Variants in GPC5 observed in about 807,000 individuals in gnomAD.
GPC5 encodes glypican-5.
GPC5 carries 47 observed loss-of-function variants against 53.9 expected under a neutral mutation model. The ratio of observed to expected loss-of-function variants is 0.87; its 90% CI spans 0.69 to 1.11. The LOEUF (loss-of-function observed/expected upper bound fraction) is 1.11. Among genes scored for constraint, GPC5 ranks in the 50% most tolerant of loss-of-function variants. GPC5 has a pLI of 0.00. For synonymous variants in GPC5, 286 were observed against 263.3 expected (o/e 1.09, Z -0.84); for missense variants, 748 against 713.1 (o/e 1.05, Z -0.56).
At position 91,508,224 on chromosome 13, in the gene GPC5, C is replaced by T. The variant is rs575285820; in HGVS notation, c.325+59302C>T. Among the ~76,000 whole-genome samples the T allele has an allele frequency of 1.1e-3, 166 of 152,126 alleles. 2 individuals carry two copies. The highest frequency in any genetic ancestry group is 3.8e-3 in the African/African-American group (157 of 41,500). ...ACAACAAAACTTACTGTTAGTATAA[C>T]GTAGTATGAATTAGATGTGAGAGAT... On this transcript the variant is annotated intron_variant, in intron 2 of 7. Coordinates refer to ENST00000377067, the MANE Select transcript of GPC5 (RefSeq NM_004466.6).
intron 7 of GPC5, among the ~76,000 whole-genome samples, chr13:92,605,678 T>C (rs2050247): frequency 0.35 from 52,642 of 150,500 alleles, 11,489 homozygotes; most frequent in East Asian, 0.74. Context: ...CAAGCTCCGC[T>C]TCCCGGGTTC....
chr13:92,633,870 A>G (rs1451567213), intron 7 of GPC5, among the ~76,000 whole-genome samples: 1 of 152,136 alleles, frequency 6.6e-6, no homozygotes, highest in Non-Finnish European at 1.5e-5. Flanking sequence ...ATATAGCCAT[A>G]TATATGTTTT....
intron 7 of GPC5, among the ~76,000 whole-genome samples, chr13:92,193,432 T>C (rs1319936441): frequency 2.0e-5 from 3 of 152,166 alleles, no homozygotes; most frequent in Admixed American, 1.3e-4. Flanking sequence ...TTCACTTTAT[T>C]TTGTGTATGT....
intron 7 of GPC5, among the ~76,000 whole-genome samples, chr13:92,538,460 TTTC>T (rs1239752458): frequency 6.7e-6 from 1 of 150,250 alleles, no homozygotes; most frequent in African/African-American, 2.5e-5. Flanking sequence ...TCTTTCTTTC[TTTC>T]TTTTTTTTTT....
intron 7 of GPC5, among the ~76,000 whole-genome samples, chr13:92,789,575 T>G (rs1460133452): frequency 6.6e-6 from 1 of 152,126 alleles, no homozygotes; most frequent in Non-Finnish European, 1.5e-5. Context: ...ATCTTCATAG[T>G]CATTATTAAA....
At chr13:91,482,682 T>A (rs1883370551) in intron 2 of GPC5, among the ~76,000 whole-genome samples, 1 of 152,174 alleles carries the variant, frequency 6.6e-6, no homozygotes, top group Non-Finnish European at 1.5e-5. Context: ...GTGGGAGGCT[T>A]CTTGTTTCCC....
chr13:91,661,800 AGT>A (rs964646420), intron 2 of GPC5, among the ~76,000 whole-genome samples: 2 of 152,144 alleles, frequency 1.3e-5, no homozygotes, highest in African/African-American at 4.8e-5. Flanking sequence ...AATCAGAGAA[AGT>A]GAGAGAATTA....
intron 7 of GPC5, among the ~76,000 whole-genome samples, chr13:92,342,085 C>T (rs2043371469): frequency 1.3e-5 from 2 of 152,236 alleles, no homozygotes; most frequent in South Asian, 2.1e-4. Flanking sequence ...ATCTTTTCCT[C>T]TACTTCACCA....
At position 92,147,154 on chromosome 13, in the gene GPC5, G is replaced by A. The variant is rs201074704; in HGVS notation, c.1561+2165G>A. ...GGTCAAATAGCAAATTATAATTTAT[G>A]TGAGGTGAAAGAAAATGAAAAAGGG... On this transcript the variant is annotated intron_variant, in intron 7 of 7. Transcript: ENST00000377067. Among the ~76,000 whole-genome samples, 682 of 126,274 alleles carry A rather than the reference G, an allele frequency of 5.4e-3. 4 individuals are homozygous for A. The highest frequency in any genetic ancestry group is 0.018 in the African/African-American group (617 of 34,642). The allele number at this position is 126,274 out of a possible 152,430, so 82.8% of individuals were successfully genotyped here. A position where few individuals can be genotyped will look rare whatever the true frequency, so the allele number is the denominator to read the frequency against.
At chr13:92,619,782 A>C (rs1391822100) in intron 7 of GPC5, among the ~76,000 whole-genome samples, 1 of 152,030 alleles carries the variant, frequency 6.6e-6, no homozygotes, top group Non-Finnish European at 1.5e-5. Flanking sequence ...AAAAACAACA[A>C]GAATTTTTTT....
chr13:92,049,061 G>T (rs533301990), intron 6 of GPC5, among the ~76,000 whole-genome samples: 1 of 152,240 alleles, frequency 6.6e-6, no homozygotes, highest in Admixed American at 6.5e-5. Flanking sequence ...AATTTGGACA[G>T]AAATTTTGGT....
chr13:91,758,241 C>T (rs1287996069), intron 5 of GPC5, among the ~76,000 whole-genome samples: 1 of 151,990 alleles, frequency 6.6e-6, no homozygotes, highest in Non-Finnish European at 1.5e-5. Flanking sequence ...TTCATGTCAA[C>T]ATTTCTGCTT....
At chr13:91,523,875 A>C (rs1885956313) in intron 2 of GPC5, among the ~76,000 whole-genome samples, 1 of 152,090 alleles carries the variant, frequency 6.6e-6, no homozygotes, top group East Asian at 1.9e-4. Flanking sequence ...AGTCACTCAA[A>C]AAGTGTTTTG....
At position 92,591,365 on chromosome 13, in the gene GPC5, C is replaced by T. The variant is rs566122596; in HGVS notation, c.1562-274917C>T. ...TCCAGCGTGAGTTATGGCTGTATCT[C>T]ATCAACTCTAGGGGAATGCCCTTTT... is the stretch of plus-strand genomic sequence containing the variant. On this transcript the variant is annotated intron_variant, in intron 7 of 7. Transcript: ENST00000377067. Among the ~76,000 whole-genome samples, 5 of 152,122 alleles carry T rather than the reference C, an allele frequency of 3.3e-5. No homozygotes were observed. In the South Asian group the frequency reaches 6.2e-4, roughly 19 times the overall value.
chr13:92,464,174 C>CTAT (rs1878600718), intron 7 of GPC5, among the ~76,000 whole-genome samples: 1 of 152,148 alleles, frequency 6.6e-6, no homozygotes, highest in African/African-American at 2.4e-5. Context: ...CAGGACATTT[C>CTAT]TATTACCCCT....
At chr13:92,539,091 G>A (rs1204820062) in intron 7 of GPC5, among the ~76,000 whole-genome samples, 1 of 147,562 alleles carries the variant, frequency 6.8e-6, no homozygotes, top group African/African-American at 2.5e-5. Context: ...TGGGTATATA[G>A]TAGAATGATT....
At chr13:91,643,869 C>T (rs1392631289) in intron 2 of GPC5, among the ~76,000 whole-genome samples, 1 of 152,060 alleles carries the variant, frequency 6.6e-6, no homozygotes, top group Non-Finnish European at 1.5e-5. Flanking sequence ...CTACTTAACT[C>T]ATTTTGTTTT....
At chr13:92,378,376 AG>A (rs557711728) in intron 7 of GPC5, among the ~76,000 whole-genome samples, 65 of 152,326 alleles carry the variant, frequency 4.3e-4, no homozygotes, top group African/African-American at 1.6e-3. Flanking sequence ...CATCATGAAA[AG>A]GAGGTTGGAA....
chr13:92,527,340 G>A (rs915380405), intron 7 of GPC5, among the ~76,000 whole-genome samples: 4 of 152,000 alleles, frequency 2.6e-5, no homozygotes, highest in African/African-American at 4.8e-5. Context: ...ATATTTATGC[G>A]TCCAACAGAG....
Sources: gnomAD v4.1 joint callset for allele counts (sites outside exome capture counted in the v4.1 genomes callset) on GRCh38, gnomAD v4.1.1 for gene constraint, MANE v1.5 for transcripts, NCBI Gene and HGNC (gene_info 2026-07-23, HGNC 2026-07-21) for gene names.